TNFSF15: variants seen among roughly 807,000 people sequenced by gnomAD.
The protein encoded by TNFSF15 is TNF superfamily member 15.
A neutral mutation model predicts 26.4 loss-of-function variants in TNFSF15; 15 were observed. The observed-to-expected ratio is 0.57, with a 90% CI of 0.38 to 0.87. The LOEUF is 0.87. Ranked by LOEUF, TNFSF15 falls within the 40% of genes least tolerant of loss-of-function variation. TNFSF15 has a pLI of 0.00. For synonymous variants in TNFSF15, 116 were observed against 115.0 expected, an observed-to-expected ratio of 1.01 and a Z score of -0.06; for missense variants, 290 against 306.1, an observed-to-expected ratio of 0.95 and a Z score of 0.39.
chr9:114,797,747 A>T (rs1587900456), intron 1 of TNFSF15, among the ~76,000 whole-genome samples: 1 of 152,220 alleles, frequency 6.6e-6, no homozygotes, highest in East Asian at 1.9e-4. Flanking sequence ...TTAGCCTCCA[A>T]TTGAATAGAC....
chr9:114,788,628 C>T lies in TNFSF15; in HGVS notation c.*1824G>A, dbSNP rs1829543559. On this transcript the variant is annotated 3_prime_UTR_variant, in exon 4 of 4. Transcript: ENST00000374045. Reference sequence around the variant, plus strand: ...GAGAGTGATTTTGGTGCCAAATTTCCTCTCAGACTCATCCATGAGGTCTCC... The same window carrying T: ...GAGAGTGATTTTGGTGCCAAATTTCTTCTCAGACTCATCCATGAGGTCTCC... 1 of 152,190 alleles carries T rather than the reference C, an allele frequency of 6.6e-6. No individual in the cohort carries two copies. Among genetic ancestry groups the T allele is most frequent in the Non-Finnish European group, 1.5e-5 (1 of 68,036 alleles). 9.4% of individuals were successfully genotyped at this position (152,190 alleles called of 1,614,324 possible).
At chr9:114,799,651 G>T (rs962684967) in intron 1 of TNFSF15, among the ~76,000 whole-genome samples, 2 of 152,242 alleles carry the variant, frequency 1.3e-5, no homozygotes, top group Non-Finnish European at 2.9e-5. Flanking sequence ...GGAGGGGTCA[G>T]GCTGGGAGAT....
chr9:114,799,688 G>A (rs1252176055), intron 1 of TNFSF15, among the ~76,000 whole-genome samples: 1 of 152,230 alleles, frequency 6.6e-6, no homozygotes, highest in Non-Finnish European at 1.5e-5. Context: ...TGTGTGGTCT[G>A]CAGTGTATGC....
At chr9:114,796,374 TC>T (rs1388441853) in intron 1 of TNFSF15, among the ~76,000 whole-genome samples, 1 of 152,212 alleles carries the variant, frequency 6.6e-6, no homozygotes, top group African/African-American at 2.4e-5. Flanking sequence ...TAAGACCCAG[TC>T]CAATCTCATT....
In TNFSF15 at chr9:114,793,562, T is replaced by C. The variant is rs780453763; in HGVS notation, c.217A>G (p.Lys73Glu). The change falls in exon 2 of 4, where the codon AAA becomes GAA. Residue 73 changes from lysine (K) to glutamate (E), a missense_variant. This residue lies in a region of TNFSF15 where 179 missense variants were observed against 165.9 expected (regional missense o/e 1.08). Transcript: ENST00000374045. Reference protein sequence around the residue: ...GEACVQFQALKGQEFAPSHQQ... With the variant: ...GEACVQFQALEGQEFAPSHQQ... ...TGTGAAGGTGCAAACTCCTGTCCTT[T>C]TAGAGCCTATTGGGAAAGAAAGTAT... is the stretch of plus-strand genomic sequence containing the variant. 1.2e-6 allele frequency: 2 copies of C among 1,613,858 alleles called. No individual in the cohort carries two copies. The highest frequency in any genetic ancestry group is 2.2e-5 in the South Asian group (2 of 91,072).
intron 2 of TNFSF15, chr9:114,792,664 T>G: frequency 8.5e-7 from 1 of 1,182,524 alleles, no homozygotes; most frequent in South Asian, 1.6e-5. Flanking sequence ...GAAAGAGTCT[T>G]GAACACAAAT....
In TNFSF15 at chr9:114,790,365, A is replaced by G; in HGVS notation, c.*87T>C. 3 of 1,390,458 alleles carry G rather than the reference A, an allele frequency of 2.2e-6. No individual in the cohort carries two copies. Among genetic ancestry groups the G allele is most frequent in the Middle Eastern group, 2.4e-4 (1 of 4,176 alleles). 86.1% of individuals were successfully genotyped at this position (1,390,458 alleles called of 1,614,324 possible). A position where few individuals can be genotyped will look rare whatever the true frequency, so the allele number is the denominator to read the frequency against. On this transcript the variant is annotated 3_prime_UTR_variant, in exon 4 of 4. Transcript: ENST00000374045. ...AATGCCCCCTACTCCCGGCCCCAAG[A>G]AAACCCCTGGTTATAATTACATTTG...
chr9:114,805,246 G>A (rs910088024), intron 1 of TNFSF15, among the ~76,000 whole-genome samples: 1 of 152,158 alleles, frequency 6.6e-6, no homozygotes, highest in Non-Finnish European at 1.5e-5. Flanking sequence ...ATAGGAATGT[G>A]TATCTATAGC....
intron 3 of TNFSF15, 146 bp downstream of exon 3, chr9:114,792,260 CA>C: frequency 1.4e-6 from 1 of 696,936 alleles, no homozygotes; most frequent in Admixed American, 3.1e-5. Flanking sequence ...CACACACACA[CA>C]CACACTGGAA....
intron 2 of TNFSF15, among the ~76,000 whole-genome samples, chr9:114,792,689 T>C (rs1829622921): frequency 6.6e-6 from 1 of 152,200 alleles, no homozygotes; most frequent in African/African-American, 2.4e-5. Flanking sequence ...CTTGGCCCCA[T>C]GGCTTTGGGC....
At chr9:114,793,132 C>A (rs1829628423) in intron 2 of TNFSF15, among the ~76,000 whole-genome samples, 1 of 152,294 alleles carries the variant, frequency 6.6e-6, no homozygotes, top group Non-Finnish European at 1.5e-5. Flanking sequence ...GAAGTGCATA[C>A]TTTTGATGTG....
Position 114,785,502 on chromosome 9 carries a change from A to G in TNFSF15, c.*4950T>C, listed in dbSNP as rs1829485622. 6.6e-6 allele frequency: 1 copy of G among 152,232 alleles called. No homozygotes were observed. Among genetic ancestry groups the G allele is most frequent in the Admixed American group, 6.5e-5 (1 of 15,284 alleles). The allele number at this position is 152,232 out of a possible 1,614,324, so 9.4% of individuals were successfully genotyped here. A position where few individuals can be genotyped will look rare whatever the true frequency, so the allele number is the denominator to read the frequency against. On this transcript the variant is annotated 3_prime_UTR_variant, in exon 4 of 4. Coordinates refer to ENST00000374045, the MANE Select transcript of TNFSF15 (RefSeq NM_005118.4). ...AAAAGGCCACATAATTATAGATTTG[A>G]AAAAGACCTCAGAGATCCTTTGGCT...
chr9:114,798,123 G>C (rs1352060092), intron 1 of TNFSF15, among the ~76,000 whole-genome samples: 1 of 152,182 alleles, frequency 6.6e-6, no homozygotes, highest in East Asian at 1.9e-4. Flanking sequence ...GGCCTCTAAA[G>C]GTCTTCATCA....
At chr9:114,800,928 C>T (rs116361744) in intron 1 of TNFSF15, among the ~76,000 whole-genome samples, 3,296 of 152,200 alleles carry the variant, frequency 0.022, 134 homozygotes, top group African/African-American at 0.075. Flanking sequence ...ACCAGGAGGC[C>T]TCAGCAGGGA....
In TNFSF15 at chr9:114,785,684, C is replaced by T. The variant is rs1307334876; in HGVS notation, c.*4768G>A. On this transcript the variant is annotated 3_prime_UTR_variant, in exon 4 of 4. Coordinates refer to ENST00000374045, the MANE Select transcript of TNFSF15 (RefSeq NM_005118.4). Reference sequence around the variant, plus strand: ...TGGGGATCAAGCCAGAGAGGGCAACCTTGTAACTGCAACTCTGTAGCCCTA... The same window carrying T: ...TGGGGATCAAGCCAGAGAGGGCAACTTTGTAACTGCAACTCTGTAGCCCTA... The T allele has an allele frequency of 6.6e-6, 1 of 152,168 alleles. No individual in the cohort carries two copies. Among genetic ancestry groups the T allele is most frequent in the Non-Finnish European group, 1.5e-5 (1 of 68,034 alleles). 9.4% of individuals were successfully genotyped at this position (152,168 alleles called of 1,614,324 possible).
chr9:114,785,818 C>G lies in TNFSF15; in HGVS notation c.*4634G>C, dbSNP rs532412750. The G allele has an allele frequency of 6.6e-6, 1 of 152,334 alleles. No individual in the cohort carries two copies. Among genetic ancestry groups the G allele is most frequent in the East Asian group, 1.9e-4 (1 of 5,188 alleles). The allele number at this position is 152,334 out of a possible 1,614,324, so 9.4% of individuals were successfully genotyped here. ...TTCCTTCAAATCACTAAAATGAACT[C>G]TATTTGCGATGAGTAGAGAGGTTAG... is the stretch of plus-strand genomic sequence containing the variant. On this transcript the variant is annotated 3_prime_UTR_variant, in exon 4 of 4. Transcript: ENST00000374045.
chr9:114,790,451 C>T lies in TNFSF15; in HGVS notation c.*1G>A, dbSNP rs1363043772. ...TTCATATAATGATATTTGCTCTCCT[C>T]CTATAGTAAGAAGGCTCCAAAGAAG... On this transcript the variant is annotated 3_prime_UTR_variant, in exon 4 of 4. Transcript: ENST00000374045. 3.1e-6 allele frequency: 5 copies of T among 1,592,660 alleles called. No homozygotes were observed. Among genetic ancestry groups the T allele is most frequent in the Non-Finnish European group, 4.3e-6 (5 of 1,168,710 alleles).
At chr9:114,798,292 C>A (rs988041434) in intron 1 of TNFSF15, among the ~76,000 whole-genome samples, 15 of 151,508 alleles carry the variant, frequency 9.9e-5, no homozygotes, top group African/African-American at 3.6e-4. Flanking sequence ...TTAGCCCTAG[C>A]AAAAAACAGC....
Position 114,793,508 on chromosome 9 carries a change from G to A in TNFSF15, c.253+18C>T. 6 of 1,613,458 alleles carry A rather than the reference G, an allele frequency of 3.7e-6. No homozygotes were observed. Among genetic ancestry groups the A allele is most frequent in the Non-Finnish European group, 5.1e-6 (6 of 1,179,444 alleles). Reference sequence around the variant, plus strand: ...CTTATTCCCCACGAGGAAAGGCGTTGAAGATGAGCATACTTACAAACTTGC... The same window carrying A: ...CTTATTCCCCACGAGGAAAGGCGTTAAAGATGAGCATACTTACAAACTTGC... On this transcript the variant is annotated intron_variant, in intron 2 of 3. Coordinates refer to ENST00000374045, the MANE Select transcript of TNFSF15 (RefSeq NM_005118.4).
Sources: gnomAD v4.1 joint callset for allele counts (sites outside exome capture counted in the v4.1 genomes callset) on GRCh38, gnomAD v4.1.1 for gene constraint, gnomAD v4.1.1 regional missense constraint, MANE v1.5 for transcripts, NCBI Gene and HGNC (gene_info 2026-07-23, HGNC 2026-07-21) for gene names.